The following COLEC12 variants were observed in gnomAD, a reference collection of about 807,000 sequenced individuals.
COLEC12 encodes collectin subfamily member 12.
In COLEC12, 33 loss-of-function variants were observed where a neutral mutation model predicts 71.1. That is an observed-to-expected ratio of 0.46 (90% confidence interval 0.35 to 0.62). The LOEUF (loss-of-function observed/expected upper bound fraction) is 0.62. COLEC12 is among the 20% of genes least tolerant of loss of function. The pLI is 0.00. For missense variants in COLEC12, 765 were observed against 916.1 expected, an observed-to-expected ratio of 0.84 and a Z score of 2.13; for synonymous variants, 350 against 353.0, an observed-to-expected ratio of 0.99 and a Z score of 0.10.
chr18:403,332 G>C (rs572210761), intron 2 of COLEC12, among the ~76,000 whole-genome samples: 1 of 152,258 alleles, frequency 6.6e-6, no homozygotes, highest in East Asian at 1.9e-4. Flanking sequence ...AAGAAAGAAA[G>C]AAAACCCTTG....
chr18:429,007 T>C (rs1235055391), intron 2 of COLEC12, among the ~76,000 whole-genome samples: 1 of 152,226 alleles, frequency 6.6e-6, no homozygotes, highest in Non-Finnish European at 1.5e-5. Flanking sequence ...GTAATCATAA[T>C]TTTTTAACAG....
intron 2 of COLEC12, among the ~76,000 whole-genome samples, chr18:364,728 G>A (rs953909840): frequency 2.6e-5 from 4 of 152,208 alleles, no homozygotes; most frequent in Non-Finnish European, 5.9e-5. Context: ...GAGTGGGTGA[G>A]AGTTTGCTAT....
chr18:485,887 G>A (rs1027071097), intron 1 of COLEC12, among the ~76,000 whole-genome samples: 12 of 152,160 alleles, frequency 7.9e-5, no homozygotes, highest in African/African-American at 2.9e-4. Flanking sequence ...TCCAGTTCTG[G>A]TTCGGACTCC....
At chr18:340,147 A>G (rs1914217082) in intron 5 of COLEC12, among the ~76,000 whole-genome samples, 1 of 151,332 alleles carries the variant, frequency 6.6e-6, no homozygotes, top group Admixed American at 6.6e-5. Context: ...TTCAGAGTTG[A>G]GAAAACAGCA....
At chr18:414,248 C>T (rs1297394185) in intron 2 of COLEC12, among the ~76,000 whole-genome samples, 1 of 152,090 alleles carries the variant, frequency 6.6e-6, no homozygotes, top group Non-Finnish European at 1.5e-5. Context: ...GGGTGACTTG[C>T]AAATTGGTAA....
At position 325,627 on chromosome 18, in the gene COLEC12, CTTTTTTTTTT is replaced by C. The variant is rs760407917; in HGVS notation, c.2064-3830_2064-3821del. 1.5e-4 allele frequency among the ~76,000 whole-genome samples: 8 copies of C among 51,840 alleles called. No individual in the cohort carries two copies. In the Admixed American group the frequency reaches 1.8e-3, roughly 12 times the overall value. The allele number at this position is 51,840 out of a possible 152,430, so 34.0% of individuals were successfully genotyped here. Reference sequence around the variant, plus strand: ...TTACACCAAGAGTAAAAGGATCAGCCTTTTTTTTTTTTTTTTTTTTTTTTTTTTTGAGACA... The same window carrying C: ...TTACACCAAGAGTAAAAGGATCAGCCTTTTTTTTTTTTTTTTTTTGAGACA... On this transcript the variant is annotated intron_variant, in intron 8 of 9. Transcript: ENST00000400256.
chr18:431,052 G>A (rs1739783686), intron 2 of COLEC12, among the ~76,000 whole-genome samples: 1 of 151,968 alleles, frequency 6.6e-6, no homozygotes, highest in Non-Finnish European at 1.5e-5. Context: ...GAGTGCAGTG[G>A]TATGATCAAG....
chr18:395,231 C>A (rs1316331228), intron 2 of COLEC12, among the ~76,000 whole-genome samples: 1 of 152,238 alleles, frequency 6.6e-6, no homozygotes, highest in African/African-American at 2.4e-5. Flanking sequence ...GCAACTGGCA[C>A]ATGGCATGCA....
intron 2 of COLEC12, among the ~76,000 whole-genome samples, chr18:439,157 C>T (rs183332348): frequency 9.2e-5 from 14 of 152,326 alleles, no homozygotes; most frequent in Admixed American, 8.5e-4. Flanking sequence ...TCCCATTGTT[C>T]CTTGTTCAAA....
chr18:449,753 ACTT>A (rs983598965), intron 2 of COLEC12, among the ~76,000 whole-genome samples: 2 of 152,142 alleles, frequency 1.3e-5, no homozygotes, highest in Admixed American at 6.5e-5. Context: ...GAGCCAGGTC[ACTT>A]CTGCCCTCAT....
At chr18:325,627 C>CTTTTTTTTTTTTTTTTTTTTT (rs760407917) in intron 8 of COLEC12, among the ~76,000 whole-genome samples, 2 of 51,834 alleles carry the variant, frequency 3.9e-5, no homozygotes, top group East Asian at 6.0e-4. Flanking sequence ...AAGGATCAGC[C>CTTTTTTTTTTTTTTTTTTTTT]TTTTTTTTTT....
At chr18:455,363 C>T (rs1277332554) in intron 2 of COLEC12, among the ~76,000 whole-genome samples, 17 of 151,010 alleles carry the variant, frequency 1.1e-4, no homozygotes, top group Middle Eastern at 3.5e-3. Flanking sequence ...CTGTAAGCTC[C>T]GCCTCCCGGG....
At chr18:388,053 A>G (rs546603693) in intron 2 of COLEC12, among the ~76,000 whole-genome samples, 1 of 152,336 alleles carries the variant, frequency 6.6e-6, no homozygotes, top group East Asian at 1.9e-4. Flanking sequence ...GCTAGTAGGC[A>G]GACAGATGTA....
rs1275817917 is a variant in COLEC12 at position 318,321 on chromosome 18, A to T, written c.*1724T>A. The T allele has an allele frequency of 6.6e-6, 1 of 151,824 alleles. No individual in the cohort carries two copies. Among genetic ancestry groups the T allele is most frequent in the African/African-American group, 2.4e-5 (1 of 41,302 alleles). 9.4% of individuals were successfully genotyped at this position (151,824 alleles called of 1,614,324 possible). A position where few individuals can be genotyped will look rare whatever the true frequency, so the allele number is the denominator to read the frequency against. On this transcript the variant is annotated 3_prime_UTR_variant, in exon 10 of 10. Transcript: ENST00000400256. ...CATTTTATTTGGGATAAGTAGCAGC[A>T]CTGCCTGGGAAGACCCTTGGGAGGG... is the stretch of plus-strand genomic sequence containing the variant.
intron 3 of COLEC12, among the ~76,000 whole-genome samples, chr18:356,162 A>C (rs1460785673): frequency 1.3e-5 from 2 of 152,230 alleles, no homozygotes; most frequent in Non-Finnish European, 2.9e-5. Context: ...CAAGGAACAG[A>C]GAGATACAGA....
At chr18:490,138 T>C (rs1917593461) in intron 1 of COLEC12, among the ~76,000 whole-genome samples, 1 of 152,214 alleles carries the variant, frequency 6.6e-6, no homozygotes, top group African/African-American at 2.4e-5. Flanking sequence ...TGGTAGCCAG[T>C]GGCTCTGTGA....
intron 2 of COLEC12, among the ~76,000 whole-genome samples, chr18:432,813 C>T (rs1598361506): frequency 6.6e-6 from 1 of 152,176 alleles, no homozygotes; most frequent in East Asian, 1.9e-4. Flanking sequence ...CGCTCACCTC[C>T]CCAAGCAAAC....
At chr18:417,916 G>A (rs560048651) in intron 2 of COLEC12, among the ~76,000 whole-genome samples, 9 of 152,088 alleles carry the variant, frequency 5.9e-5, no homozygotes, top group Non-Finnish European at 1.3e-4. Flanking sequence ...AACCACTTTG[G>A]GCGATTCAGT....
chr18:452,443 T>C (rs1916780936), intron 2 of COLEC12, among the ~76,000 whole-genome samples: 1 of 152,218 alleles, frequency 6.6e-6, no homozygotes, highest in African/African-American at 2.4e-5. Context: ...CACTAAATGG[T>C]GGCTATATAA....
Sources: allele counts gnomAD v4.1 joint callset (sites outside exome capture counted in the v4.1 genomes callset), GRCh38; gene constraint gnomAD v4.1.1; transcripts MANE v1.5; gene names NCBI Gene and HGNC (gene_info 2026-07-23, HGNC 2026-07-21).